Variants in RIIAD1 observed in about 807,000 individuals in gnomAD.
The protein encoded by RIIAD1 is RIIa domain-containing protein 1.
Under a neutral mutation model 13.3 loss-of-function variants are expected in RIIAD1, and 15 were observed. The observed-to-expected ratio is 1.13, with a 90% CI of 0.76 to 1.74. The LOEUF (loss-of-function observed/expected upper bound fraction) is 1.74, where lower values mean the gene tolerates loss of function less well. Ranked by LOEUF, RIIAD1 falls within the 40% of genes most tolerant of loss-of-function variation. RIIAD1 has a pLI of 0.00. For missense variants in RIIAD1, 121 were observed against 112.2 expected (o/e 1.08, Z -0.35); for synonymous variants, 50 against 43.3 (o/e 1.16, Z -0.61).
upstream of RIIAD1, chr1:151,719,803 A>C (rs1232323318): frequency 3.4e-6 from 2 of 587,566 alleles, no homozygotes; most frequent in Non-Finnish European, 6.0e-6. Context: ...CAGTGAAGAA[A>C]GGCTTGATTG....
chr1:151,716,020 T>A, intron 4 of RIIAD1: 1 of 1,610,400 alleles, frequency 6.2e-7, no homozygotes, highest in Non-Finnish European at 8.5e-7. Context: ...GGCTCCTTCA[T>A]TGAGGCGGCC....
intron 4 of RIIAD1, chr1:151,715,910 A>G (rs768149775): frequency 3.1e-5 from 50 of 1,613,934 alleles, no homozygotes; most frequent in Non-Finnish European, 4.0e-5. Flanking sequence ...CCTTGATGAC[A>G]GTCAGCTCAA....
upstream of RIIAD1, among the ~76,000 whole-genome samples, chr1:151,720,642 G>T (rs1310370753): frequency 6.6e-6 from 1 of 152,168 alleles, no homozygotes; most frequent in East Asian, 1.9e-4. Flanking sequence ...GTATTTTCTT[G>T]CTCCTTAGGG....
At chr1:151,720,348 C>T (rs1314881818), upstream of RIIAD1, among the ~76,000 whole-genome samples, 6 of 1,856 alleles carry the variant, frequency 3.2e-3, no homozygotes, top group East Asian at 0.056. Flanking sequence ...TTGCTCCTGC[C>T]GGGAAAAAAA....
At chr1:151,720,135 C>T (rs966365848), upstream of RIIAD1, among the ~76,000 whole-genome samples, 2 of 152,086 alleles carry the variant, frequency 1.3e-5, no homozygotes, top group African/African-American at 4.8e-5. Context: ...CATACCAAGC[C>T]TTCAAAATCC....
At chr1:151,715,877 C>T (rs766599675) in intron 4 of RIIAD1, 1 of 1,612,972 alleles carries the variant, frequency 6.2e-7, no homozygotes, top group Non-Finnish European at 8.5e-7. Context: ...ACCCCTCACC[C>T]TTGTGCAGCC....
chr1:151,716,639 C>T (rs1193310590), upstream of RIIAD1: 2 of 374,528 alleles, frequency 5.3e-6, no homozygotes, highest in South Asian at 2.0e-5. Context: ...TCCCTTTTGC[C>T]CTGCCGCCCC....
intron 3 of RIIAD1, chr1:151,728,491 G>A: frequency 7.3e-6 from 1 of 137,134 alleles, no homozygotes; most frequent in Non-Finnish European, 1.3e-5. Flanking sequence ...TGGGGGGTGG[G>A]GGGTGGGGGG....
chr1:151,714,840 C>T (rs546936947), intron 4 of RIIAD1, among the ~76,000 whole-genome samples: 2 of 152,102 alleles, frequency 1.3e-5, no homozygotes, highest in Admixed American at 1.3e-4. Flanking sequence ...CTCTCTGCCC[C>T]AGAAGTGGGG....
chr1:151,721,514 G>A (rs1673734460), upstream of RIIAD1: 4 of 1,297,848 alleles, frequency 3.1e-6, no homozygotes, highest in Non-Finnish European at 2.0e-6. Flanking sequence ...CTCGCGGCCG[G>A]TCGCCTTGAC....
chr1:151,722,078 C>T lies in RIIAD1; in HGVS notation c.85-8C>T, dbSNP rs1400328294. ...TAATGGAAGTGACCCTTTGTTCTTG[C>T]CCCCCAGATTCAGACTCGGATTGCT... On this transcript the variant is annotated splice_polypyrimidine_tract_variant and splice_region_variant and intron_variant, in intron 1 of 4. Transcript: ENST00000479191. 5.8e-6 allele frequency: 9 copies of T among 1,544,734 alleles called. No individual in the cohort carries two copies. The highest frequency in any genetic ancestry group is 7.9e-6 in the Non-Finnish European group (9 of 1,140,794).
chr1:151,717,436 C>A (rs79678598), upstream of RIIAD1, among the ~76,000 whole-genome samples: 3,830 of 152,316 alleles, frequency 0.025, 154 homozygotes, highest in African/African-American at 0.088. Flanking sequence ...TTGCCGATGC[C>A]CCCTTCTCTC....
intron 2 of RIIAD1, among the ~76,000 whole-genome samples, chr1:151,722,596 C>A (rs1338929182): frequency 1.3e-5 from 2 of 152,076 alleles, no homozygotes; most frequent in Non-Finnish European, 2.9e-5. Context: ...GAAACATATC[C>A]TAATGGGATG....
intron 3 of RIIAD1, among the ~76,000 whole-genome samples, chr1:151,714,130 C>A (rs1310223379): frequency 6.6e-6 from 1 of 152,154 alleles, no homozygotes; most frequent in Non-Finnish European, 1.5e-5. Context: ...GCTCAAGAAC[C>A]AGCACCGAGA....
intron 2 of RIIAD1, among the ~76,000 whole-genome samples, chr1:151,712,920 T>G (rs1195182733): frequency 6.6e-6 from 1 of 152,016 alleles, no homozygotes; most frequent in Non-Finnish European, 1.5e-5. Flanking sequence ...CACACACTCA[T>G]GCATGCACAC....
Position 151,712,896 on chromosome 1 carries a change from T to C in RIIAD1, c.-185-573T>C, listed in dbSNP as rs554989739. Among the ~76,000 whole-genome samples, 8 of 152,072 alleles carry C rather than the reference T, an allele frequency of 5.3e-5. No homozygotes were observed. In the South Asian group the frequency reaches 6.2e-4, roughly 12 times the overall value. On this transcript the variant is annotated intron_variant, in intron 2 of 8. Transcript: ENST00000326413. ...CAGGAGCTGACACACTGCACACACA[T>C]GCGTGTGCATGCACACACACTCATG...
intron 3 of RIIAD1, chr1:151,728,514 C>G: frequency 2.3e-6 from 1 of 444,068 alleles, no homozygotes; most frequent in Non-Finnish European, 4.0e-6. Flanking sequence ...GGGCCAGGCA[C>G]AGCGTGGAGG....
intron 2 of RIIAD1, among the ~76,000 whole-genome samples, chr1:151,723,660 A>G (rs948892070): frequency 6.6e-6 from 1 of 152,252 alleles, no homozygotes; most frequent in Non-Finnish European, 1.5e-5. Flanking sequence ...AGATTGCGCC[A>G]CTGCACTCCA....
chr1:151,723,718 A>G (rs1673780489), intron 2 of RIIAD1, among the ~76,000 whole-genome samples: 1 of 152,210 alleles, frequency 6.6e-6, no homozygotes, highest in South Asian at 2.1e-4. Context: ...AAAATTAAAA[A>G]AACTCACTAT....
Sources: allele counts gnomAD v4.1 joint callset (sites outside exome capture counted in the v4.1 genomes callset), GRCh38; gene constraint gnomAD v4.1.1; transcripts MANE v1.5; gene names NCBI Gene and HGNC (gene_info 2026-07-23, HGNC 2026-07-21).